PRKAG2: variants seen among roughly 807,000 people sequenced by gnomAD.
The protein encoded by PRKAG2 is protein kinase AMP-activated non-catalytic subunit gamma 2.
A neutral mutation model predicts 69.6 loss-of-function variants in PRKAG2; 26 were observed. That is an observed-to-expected ratio of 0.37 (90% CI 0.27 to 0.52). PRKAG2 has a LOEUF of 0.52. Among genes scored for constraint, PRKAG2 ranks in the 20% least tolerant of loss-of-function variants. PRKAG2 has a pLI of 0.90. For missense variants in PRKAG2, 557 were observed against 740.0 expected, an observed-to-expected ratio of 0.75 and a Z score of 2.87; for synonymous variants, 293 against 285.0, an observed-to-expected ratio of 1.03 and a Z score of -0.28.
rs34809720 is a variant in PRKAG2, at chr7:151,597,820, G to GCCC, written c.755-2369_755-2367dup. Among the ~76,000 whole-genome samples, 1,040 of 124,648 alleles carry GCCC rather than the reference G, an allele frequency of 8.3e-3. 40 individuals carry two copies. Among genetic ancestry groups the GCCC allele is most frequent in the African/African-American group, 0.024 (765 of 32,418 alleles). 81.8% of individuals were successfully genotyped at this position (124,648 alleles called of 152,430 possible). A position where few individuals can be genotyped will look rare whatever the true frequency, so the allele number is the denominator to read the frequency against. On this transcript the variant is annotated intron_variant, in intron 5 of 15. Coordinates refer to ENST00000287878, the MANE Select transcript of PRKAG2 (RefSeq NM_016203.4). ...TTGCTGAGGATGTGGACAAAAGGGA[G>GCCC]CCCCCCCCCCCGCTCTTTTATTGAA...
chr7:151,581,708 A>AT (rs149010568), intron 6 of PRKAG2, among the ~76,000 whole-genome samples: 5,249 of 152,298 alleles, frequency 0.034, 306 homozygotes, highest in African/African-American at 0.12. Context: ...TTTAATGGAC[A>AT]TTTTTACACT....
chr7:151,566,628 GA>G, intron 11 of PRKAG2: 2 of 437,546 alleles, frequency 4.6e-6, no homozygotes, highest in Admixed American at 2.6e-5. Flanking sequence ...TAATTATCAG[GA>G]AAAGATGAAC....
chr7:151,618,832 G>C (rs994968826), intron 5 of PRKAG2, among the ~76,000 whole-genome samples: 4 of 152,116 alleles, frequency 2.6e-5, no homozygotes, highest in African/African-American at 9.7e-5. Flanking sequence ...CAGAAACAAA[G>C]GCAAATCTTA....
rs1045168509 is a variant in PRKAG2 at position 151,850,698 on chromosome 7, C to T, written c.114+25809G>A. 1.3e-5 allele frequency among the ~76,000 whole-genome samples: 2 copies of T among 152,220 alleles called. No individual in the cohort carries two copies. Among genetic ancestry groups the T allele is most frequent in the Non-Finnish European group, 2.9e-5 (2 of 68,042 alleles). ...CCCTTGTGCCCCACCAGCATCCACC[C>T]GCCCCACCGGCTTCTGCCAGAGGGA... is the stretch of plus-strand genomic sequence containing the variant. On this transcript the variant is annotated intron_variant, in intron 1 of 15. Transcript: ENST00000287878. The surrounding 1 kb of genome is among the most constrained non-coding windows in gnomAD (Gnocchi z 4.1).
chr7:151,802,110 G>A (rs1002918388), intron 1 of PRKAG2, among the ~76,000 whole-genome samples: 88 of 152,286 alleles, frequency 5.8e-4, no homozygotes, highest in African/African-American at 1.9e-3. Context: ...GAAGGGTTTG[G>A]GATCTTTCTT....
chr7:151,559,111 G>A, intron 15 of PRKAG2: 2 of 985,390 alleles, frequency 2.0e-6, no homozygotes, highest in Non-Finnish European at 2.4e-6. Context: ...GCACAAATGT[G>A]CTGTGCAGTT....
intron 3 of PRKAG2, among the ~76,000 whole-genome samples, chr7:151,769,207 CA>C (rs762070372): frequency 1.3e-4 from 20 of 152,196 alleles, no homozygotes; most frequent in Middle Eastern, 3.2e-3. Context: ...TGAAAGTAAA[CA>C]TCAAAGAAAA....
chr7:151,873,237 G>A (rs1007112601), intron 1 of PRKAG2, among the ~76,000 whole-genome samples: 4 of 152,154 alleles, frequency 2.6e-5, no homozygotes, highest in African/African-American at 9.7e-5. Context: ...TCTGTGGGGT[G>A]CTCCCACTGG....
chr7:151,590,432 G>T (rs971604352), intron 6 of PRKAG2, among the ~76,000 whole-genome samples: 1 of 152,252 alleles, frequency 6.6e-6, no homozygotes, highest in African/African-American at 2.4e-5. Flanking sequence ...GCTGGGCATG[G>T]ATCTGGAAGG....
chr7:151,874,314 ATATGATGTATATGTATATG>A (rs1464307350), intron 1 of PRKAG2, among the ~76,000 whole-genome samples: 2 of 81,292 alleles, frequency 2.5e-5, no homozygotes, highest in Non-Finnish European at 2.4e-5. Context: ...ATGTATATGT[ATATGATGTATATGTATATG>A]ATGTATATGT....
chr7:151,750,033 G>A (rs1343983485), intron 3 of PRKAG2, among the ~76,000 whole-genome samples: 4 of 148,368 alleles, frequency 2.7e-5, no homozygotes, highest in Non-Finnish European at 5.9e-5. Flanking sequence ...GGAAGCAGAG[G>A]TTGTAGTGAG....
intron 1 of PRKAG2, among the ~76,000 whole-genome samples, chr7:151,787,697 A>G (rs1329842266): frequency 1.3e-5 from 2 of 152,202 alleles, no homozygotes; most frequent in Non-Finnish European, 2.9e-5. Context: ...TCCCACCAAA[A>G]AAAATCTATA....
chr7:151,830,117 GGTT>G (rs2078990305), intron 1 of PRKAG2, among the ~76,000 whole-genome samples: 1 of 121,276 alleles, frequency 8.2e-6, no homozygotes, highest in Admixed American at 8.7e-5. Flanking sequence ...TGTTCCACCT[GGTT>G]TTTTTTTTTT....
intron 1 of PRKAG2, among the ~76,000 whole-genome samples, chr7:151,861,071 G>C (rs1438250051): frequency 6.6e-6 from 1 of 152,178 alleles, no homozygotes; most frequent in Non-Finnish European, 1.5e-5. Context: ...TCTCAGTTAA[G>C]GGCTCAGTAC....
At chr7:151,702,416 CA>C (rs1233040915) in intron 3 of PRKAG2, among the ~76,000 whole-genome samples, 1 of 152,198 alleles carries the variant, frequency 6.6e-6, no homozygotes, top group African/African-American at 2.4e-5. Flanking sequence ...ATGCTGACAG[CA>C]GACGGATGGG....
chr7:151,608,281 G>C (rs1313722700), intron 5 of PRKAG2, among the ~76,000 whole-genome samples: 1 of 152,176 alleles, frequency 6.6e-6, no homozygotes, highest in Non-Finnish European at 1.5e-5. Context: ...TGTTGTCTAA[G>C]CCACCAAGTT....
intron 9 of PRKAG2, among the ~76,000 whole-genome samples, chr7:151,571,196 C>T (rs182612626): frequency 3.3e-5 from 5 of 151,908 alleles, no homozygotes; most frequent in African/African-American, 9.7e-5. Context: ...CTCAGCCTCC[C>T]GAGTAGCTGG....
rs544287339 is a variant in PRKAG2, at chr7:151,836,229, G to A, written c.114+40278C>T. Among the ~76,000 whole-genome samples the A allele has an allele frequency of 3.3e-5, 5 of 152,286 alleles. No homozygotes were observed. The highest frequency in any genetic ancestry group is 9.6e-5 in the African/African-American group (4 of 41,550). ...TGTCATCTCTTCCCCAGGAGACTGAGAGACTCGGGGGAGCAGGGGCTGCGT... is the reference window on the plus strand; with the variant it reads ...TGTCATCTCTTCCCCAGGAGACTGAAAGACTCGGGGGAGCAGGGGCTGCGT... On this transcript the variant is annotated intron_variant, in intron 1 of 15. Transcript: ENST00000287878. The surrounding 1 kb of genome is among the most constrained non-coding windows in gnomAD (Gnocchi z 4.1).
At chr7:151,613,673 T>C (rs936058736) in intron 5 of PRKAG2, among the ~76,000 whole-genome samples, 2 of 151,036 alleles carry the variant, frequency 1.3e-5, no homozygotes, top group East Asian at 1.9e-4. Context: ...AATTTTTGTA[T>C]TTTTAGTAGT....
Sources: gnomAD v4.1 joint callset for allele counts (sites outside exome capture counted in the v4.1 genomes callset) on GRCh38, gnomAD v4.1.1 for gene constraint, Gnocchi (gnomAD v3.1) non-coding constraint, MANE v1.5 for transcripts, NCBI Gene and HGNC (gene_info 2026-07-23, HGNC 2026-07-21) for gene names.